Variants in SLC25A21 observed in about 807,000 individuals in gnomAD.
The protein encoded by SLC25A21 is mitochondrial 2-oxodicarboxylate carrier.
Under a neutral mutation model 43.8 loss-of-function variants are expected in SLC25A21, and 47 were observed. The observed-to-expected ratio is 1.07, with a 90% CI of 0.85 to 1.37. The LOEUF (loss-of-function observed/expected upper bound fraction) is 1.37, where lower values mean the gene tolerates loss of function less well. Among genes scored for constraint, SLC25A21 ranks in the 40% most tolerant of loss-of-function variants. The pLI, the probability that SLC25A21 is intolerant of heterozygous loss-of-function variation, is 0.00. For synonymous variants in SLC25A21, 131 were observed against 121.3 expected, an observed-to-expected ratio of 1.08 and a Z score of -0.52; for missense variants, 352 against 350.2, an observed-to-expected ratio of 1.00 and a Z score of -0.04.
intron 2 of SLC25A21, among the ~76,000 whole-genome samples, chr14:36,851,308 G>A (rs564061929): frequency 2.6e-5 from 4 of 152,164 alleles, no homozygotes; most frequent in Admixed American, 6.5e-5. Context: ...AACCGAGGAC[G>A]GAAACCTGCA....
intron 1 of SLC25A21, among the ~76,000 whole-genome samples, chr14:36,938,144 C>T (rs1037380314): frequency 1.8e-4 from 28 of 152,088 alleles, no homozygotes; most frequent in Non-Finnish European, 3.7e-4. Context: ...ACTCCCTGAA[C>T]GCATGCTGTT....
chr14:36,680,664 G>T lies in SLC25A21; in HGVS notation c.894C>A (p.Asn298Lys), dbSNP rs1882200651. 6.2e-7 allele frequency: 1 copy of T among 1,612,614 alleles called. No individual in the cohort carries two copies. Among genetic ancestry groups the T allele is most frequent in the Non-Finnish European group, 8.5e-7 (1 of 1,179,330 alleles). ...AAAAACACTTCATAGGCAATCACCA[G>T]TTCTCTTGAAGCCATGAATAGGTGT... ...YEYTYSWLQE[N>K]W Residue 298 changes from asparagine to lysine, a missense_variant, in exon 10 of 10, where the codon AAC becomes AAA. By Grantham distance (94) the Asn-to-Lys change is moderately conservative (BLOSUM62 0). Transcript: ENST00000331299.
chr14:36,694,842 C>T (rs1882948138), intron 7 of SLC25A21, among the ~76,000 whole-genome samples: 5 of 152,124 alleles, frequency 3.3e-5, no homozygotes, highest in Admixed American at 3.3e-4. Flanking sequence ...CAAAAATTTT[C>T]TCCCATTCTG....
At chr14:36,988,502 C>T (rs1184266999) in intron 1 of SLC25A21, among the ~76,000 whole-genome samples, 1 of 152,040 alleles carries the variant, frequency 6.6e-6, no homozygotes, top group Non-Finnish European at 1.5e-5. Flanking sequence ...ATATAGAAGC[C>T]AAAATGGGAA....
chr14:36,805,795 C>T (rs149575260), intron 3 of SLC25A21, among the ~76,000 whole-genome samples: 1 of 152,146 alleles, frequency 6.6e-6, no homozygotes, highest in Non-Finnish European at 1.5e-5. Flanking sequence ...ATTACATATA[C>T]TTGATGACTA....
intron 2 of SLC25A21, among the ~76,000 whole-genome samples, chr14:36,818,537 A>G (rs1009139904): frequency 3.9e-5 from 6 of 152,224 alleles, no homozygotes; most frequent in African/African-American, 1.4e-4. Flanking sequence ...TAAAGCAGTG[A>G]GAGGCCCCAT....
chr14:37,103,185 G>T (rs10143714), intron 1 of SLC25A21, among the ~76,000 whole-genome samples: 7 of 151,994 alleles, frequency 4.6e-5, no homozygotes, highest in African/African-American at 1.7e-4. Context: ...ATATTTTATC[G>T]CACCTTCACT....
At chr14:36,693,663 T>C (rs1272426828) in intron 7 of SLC25A21, among the ~76,000 whole-genome samples, 10 of 152,308 alleles carry the variant, frequency 6.6e-5, no homozygotes, top group African/African-American at 2.2e-4. Context: ...AGACAGGCTC[T>C]TGTTTTGTCG....
At chr14:36,871,130 C>T (rs567362069) in intron 2 of SLC25A21, among the ~76,000 whole-genome samples, 13 of 151,938 alleles carry the variant, frequency 8.6e-5, no homozygotes, top group Admixed American at 8.5e-4. Context: ...CCCTGCCCCC[C>T]CAAATCCATA....
chr14:37,148,860 T>G (rs1963712166), intron 1 of SLC25A21, among the ~76,000 whole-genome samples: 1 of 152,240 alleles, frequency 6.6e-6, no homozygotes, highest in African/African-American at 2.4e-5. Context: ...AAAGCCTCTT[T>G]GCAGAGTGAA....
chr14:37,070,005 ACT>A (rs1321683978), intron 1 of SLC25A21, among the ~76,000 whole-genome samples: 2 of 152,072 alleles, frequency 1.3e-5, no homozygotes, highest in South Asian at 2.1e-4. Flanking sequence ...CACAAGTTAC[ACT>A]CTTTCACAGA....
chr14:36,725,809 C>G (rs1211105392), intron 5 of SLC25A21, 132 bp from the exon 6 acceptor site: 1 of 364,466 alleles, frequency 2.7e-6, no homozygotes, highest in African/African-American at 2.2e-5. Flanking sequence ...CACCATATTC[C>G]ATTACTAAAC....
At chr14:36,716,240 C>A (rs1418777185) in intron 6 of SLC25A21, among the ~76,000 whole-genome samples, 1 of 151,862 alleles carries the variant, frequency 6.6e-6, no homozygotes, top group African/African-American at 2.4e-5. Flanking sequence ...ACAGTGGTTA[C>A]CAGGGGTGAT....
chr14:36,751,683 T>A (rs903844586), intron 3 of SLC25A21, among the ~76,000 whole-genome samples: 1 of 152,226 alleles, frequency 6.6e-6, no homozygotes, highest in Non-Finnish European at 1.5e-5. Flanking sequence ...ATGGGCCTGG[T>A]ACTAGTTATC....
chr14:37,112,238 G>A (rs574110902), intron 1 of SLC25A21, among the ~76,000 whole-genome samples: 4 of 151,984 alleles, frequency 2.6e-5, no homozygotes, highest in Non-Finnish European at 4.4e-5. Context: ...CCCCCTTGCC[G>A]CCGCCGCCAA....
chr14:36,943,354 G>T (rs1892610706), intron 1 of SLC25A21, among the ~76,000 whole-genome samples: 1 of 152,142 alleles, frequency 6.6e-6, no homozygotes, highest in East Asian at 1.9e-4. Flanking sequence ...ACCACACCCG[G>T]CTAATTTTTG....
intron 1 of SLC25A21, among the ~76,000 whole-genome samples, chr14:37,084,298 G>A (rs1351068337): frequency 2.0e-5 from 3 of 152,098 alleles, no homozygotes; most frequent in East Asian, 1.9e-4. Flanking sequence ...CTCTTGTTAG[G>A]AGGCTCTTCC....
At chr14:37,137,588 T>A (rs2138915009) in intron 1 of SLC25A21, among the ~76,000 whole-genome samples, 1 of 152,318 alleles carries the variant, frequency 6.6e-6, no homozygotes, top group East Asian at 1.9e-4. Context: ...TTAGTAGCTG[T>A]CAAATGCATC....
rs147344590 is a variant in SLC25A21 at position 36,889,199 on chromosome 14, C to T, written c.71-14195G>A. ...TGGGGGAAAAGAGGGAGAAGGTTGA[C>T]TCCATTTCACAGATTCCTTTTATAG... On this transcript the variant is annotated intron_variant, in intron 1 of 9. Transcript: ENST00000331299. Among the ~76,000 whole-genome samples, 785 of 152,250 alleles carry T rather than the reference C, an allele frequency of 5.2e-3. 4 individuals carry two copies. Among genetic ancestry groups the T allele is most frequent in the African/African-American group, 0.018 (728 of 41,542 alleles).
Sources: gnomAD v4.1 joint callset for allele counts (sites outside exome capture counted in the v4.1 genomes callset) on GRCh38, gnomAD v4.1.1 for gene constraint, MANE v1.5 for transcripts, NCBI Gene and HGNC (gene_info 2026-07-23, HGNC 2026-07-21) for gene names.